R3HDM2: variants seen among roughly 807,000 people sequenced by gnomAD.
R3HDM2 encodes R3H domain containing 2.
R3HDM2 carries 38 observed loss-of-function variants against 124.5 expected under a neutral mutation model. That is an observed-to-expected ratio of 0.31 (90% CI 0.24 to 0.40). R3HDM2 has a LOEUF of 0.40. R3HDM2 is among the 10% of genes least tolerant of loss of function. The pLI, the probability that R3HDM2 is intolerant of heterozygous loss-of-function variation, is 1.00. For synonymous variants in R3HDM2, 391 were observed against 448.0 expected, an observed-to-expected ratio of 0.87 and a Z score of 1.61; for missense variants, 869 against 1,236.9, an observed-to-expected ratio of 0.70 and a Z score of 4.46.
chr12:57,317,252 G>C (rs187430540), intron 2 of R3HDM2, among the ~76,000 whole-genome samples: 1 of 151,222 alleles, frequency 6.6e-6, no homozygotes, highest in Non-Finnish European at 1.5e-5. Flanking sequence ...ACCTAGGCTG[G>C]AGTGTAGTGG....
At chr12:57,365,021 G>A (rs1593980747) in intron 2 of R3HDM2, among the ~76,000 whole-genome samples, 2 of 149,850 alleles carry the variant, frequency 1.3e-5, no homozygotes, top group Non-Finnish European at 3.0e-5. Flanking sequence ...CCAGCACTTC[G>A]GGAGGCTGAG....
At chr12:57,303,140 T>C in intron 4 of R3HDM2, 36 bp downstream of exon 4, 1 of 1,463,444 alleles carries the variant, frequency 6.8e-7, no homozygotes, top group Non-Finnish European at 9.4e-7. Context: ...GTATTACTAA[T>C]AACATTAGAA....
chr12:57,389,111 A>G (rs950800463), intron 2 of R3HDM2, among the ~76,000 whole-genome samples: 3 of 152,236 alleles, frequency 2.0e-5, no homozygotes, highest in African/African-American at 7.2e-5. Context: ...AAGAAGGAAA[A>G]TAACCAAAAG....
rs1375889095 is a variant in R3HDM2 at position 57,289,050 on chromosome 12, G to T, written c.907-10C>A. 2 of 1,545,496 alleles carry T rather than the reference G, an allele frequency of 1.3e-6. No individual in the cohort carries two copies. Among genetic ancestry groups the T allele is most frequent in the South Asian group, 2.4e-5 (2 of 83,910 alleles). ...ATCCGTTCTGGCCAGTCTAGGTGAG[G>T]GGGAGAAAACGGAAAATAACTTATA... On this transcript the variant is annotated splice_polypyrimidine_tract_variant and intron_variant, in intron 11 of 23. Coordinates refer to ENST00000402412, the MANE Select transcript of R3HDM2 (RefSeq NM_001394031.1).
intron 2 of R3HDM2, among the ~76,000 whole-genome samples, chr12:57,321,737 C>T (rs979577796): frequency 6.6e-6 from 1 of 152,068 alleles, no homozygotes; most frequent in African/African-American, 2.4e-5. Flanking sequence ...TCCTCCCCAC[C>T]CCCTGCCACC....
intron 11 of R3HDM2, 86 bp downstream of exon 11, chr12:57,292,486 C>A: frequency 1.1e-6 from 1 of 927,628 alleles, no homozygotes; most frequent in Non-Finnish European, 1.6e-6. Context: ...AACCCAAAAA[C>A]ATTTGTGGAG....
intron 1 of R3HDM2, among the ~76,000 whole-genome samples, chr12:57,403,818 C>CAA (rs397755139): frequency 1.7e-4 from 24 of 141,476 alleles, no homozygotes; most frequent in Middle Eastern, 7.5e-3. Flanking sequence ...GACTCTGTCT[C>CAA]AAAAAAAAAA....
intron 2 of R3HDM2, among the ~76,000 whole-genome samples, chr12:57,346,931 A>C (rs2060145507): frequency 6.6e-6 from 1 of 152,136 alleles, no homozygotes; most frequent in Non-Finnish European, 1.5e-5. Context: ...GAAATGGTAA[A>C]ATATCAATTC....
At chr12:57,406,185 G>A (rs2068506841) in intron 1 of R3HDM2, among the ~76,000 whole-genome samples, 1 of 152,030 alleles carries the variant, frequency 6.6e-6, no homozygotes, top group South Asian at 2.1e-4. Context: ...GCCAGGTGTG[G>A]TGGCAGGCGC....
intron 10 of R3HDM2, among the ~76,000 whole-genome samples, chr12:57,292,899 AC>A (rs2048941863): frequency 3.5e-5 from 2 of 56,674 alleles, no homozygotes; most frequent in South Asian, 1.5e-3. Flanking sequence ...CACCCCTCCC[AC>A]CCCCGCAGTA....
chr12:57,401,938 C>T (rs1363738493), intron 1 of R3HDM2, among the ~76,000 whole-genome samples: 2 of 151,830 alleles, frequency 1.3e-5, no homozygotes, highest in Non-Finnish European at 2.9e-5. Context: ...GAGCCAAGAT[C>T]GAGCTGCTGC....
chr12:57,372,987 T>G (rs2063560127), intron 2 of R3HDM2, among the ~76,000 whole-genome samples: 1 of 152,154 alleles, frequency 6.6e-6, no homozygotes, highest in Admixed American at 6.5e-5. Flanking sequence ...AGTGGGAGGA[T>G]CGCTTGAGGC....
intron 2 of R3HDM2, among the ~76,000 whole-genome samples, chr12:57,374,148 G>A (rs2063731423): frequency 6.6e-6 from 1 of 151,682 alleles, no homozygotes; most frequent in Admixed American, 6.6e-5. Flanking sequence ...AAAAAAATAT[G>A]GTCCCTGCCC....
intron 2 of R3HDM2, among the ~76,000 whole-genome samples, chr12:57,311,496 G>T (rs111366990): frequency 7.5e-4 from 114 of 152,144 alleles, no homozygotes; most frequent in African/African-American, 2.7e-3. Flanking sequence ...AAAGTGCTGG[G>T]ATTACAGTCG....
At chr12:57,356,459 G>A (rs2061305845) in intron 2 of R3HDM2, among the ~76,000 whole-genome samples, 1 of 152,100 alleles carries the variant, frequency 6.6e-6, no homozygotes, top group African/African-American at 2.4e-5. Context: ...ATGATGTATT[G>A]TCCTTTTCAC....
chr12:57,327,913 T>C (rs1335829860), intron 2 of R3HDM2, among the ~76,000 whole-genome samples: 1 of 152,172 alleles, frequency 6.6e-6, no homozygotes, highest in African/African-American at 2.4e-5. Context: ...GGATTTAGAA[T>C]ATTACATAAA....
At chr12:57,274,205 GC>G (rs2044191086) in intron 14 of R3HDM2, among the ~76,000 whole-genome samples, 1 of 152,114 alleles carries the variant, frequency 6.6e-6, no homozygotes, top group Non-Finnish European at 1.5e-5. Flanking sequence ...AAAAATGGCT[GC>G]CTGCAGTGGC....
In R3HDM2 at chr12:57,366,531, G is replaced by A. The variant is rs942924124; in HGVS notation, c.-36+29218C>T. On this transcript the variant is annotated intron_variant, in intron 2 of 23. Transcript: ENST00000402412. ...AACATGCATTCTCTGAATCATTCCT[G>A]GGTCTATTTCTATTGACTGTTTTTG... 2.6e-5 allele frequency among the ~76,000 whole-genome samples: 4 copies of A among 152,004 alleles called. No homozygotes were observed. The East Asian group carries it at 5.8e-4, about 22-fold the overall frequency.
intron 2 of R3HDM2, among the ~76,000 whole-genome samples, chr12:57,366,658 T>A (rs948970952): frequency 3.3e-5 from 5 of 152,104 alleles, no homozygotes; most frequent in African/African-American, 1.2e-4. Flanking sequence ...TTTTAAAATA[T>A]TCCTTTAACT....
Sources: gnomAD v4.1 joint callset for allele counts (sites outside exome capture counted in the v4.1 genomes callset) on GRCh38, gnomAD v4.1.1 for gene constraint, MANE v1.5 for transcripts, NCBI Gene and HGNC (gene_info 2026-07-23, HGNC 2026-07-21) for gene names.